The following IFI16 variants were observed in gnomAD, a reference collection of about 807,000 sequenced individuals.
IFI16 encodes gamma-interferon-inducible protein 16.
Under a neutral mutation model 68.4 loss-of-function variants are expected in IFI16, and 49 were observed. The ratio of observed to expected loss-of-function variants is 0.72; its 90% confidence interval spans 0.57 to 0.91. The LOEUF is 0.91. Ranked by LOEUF, IFI16 falls within the 40% of genes least tolerant of loss-of-function variation. IFI16 has a pLI of 0.00. For synonymous variants in IFI16, 307 were observed against 315.0 expected (o/e 0.97, Z 0.27); for missense variants, 878 against 942.9 (o/e 0.93, Z 0.90).
intron 7 of IFI16, among the ~76,000 whole-genome samples, chr1:159,037,174 T>C (rs1340996102): frequency 6.6e-6 from 1 of 152,166 alleles, no homozygotes; most frequent in Non-Finnish European, 1.5e-5. Context: ...TTAATGACAG[T>C]TTCAAAGTTC....
chr1:159,008,717 A>G (rs750959473), upstream of IFI16, among the ~76,000 whole-genome samples: 10 of 152,112 alleles, frequency 6.6e-5, no homozygotes, highest in Admixed American at 4.6e-4. Flanking sequence ...ATTATCACGA[A>G]CACCCAGAGA....
chr1:159,015,204 A>G (rs977522500), intron 2 of IFI16, among the ~76,000 whole-genome samples: 1 of 152,240 alleles, frequency 6.6e-6, no homozygotes, highest in African/African-American at 2.4e-5. Context: ...AGGGGGACTG[A>G]GACTTCCAGT....
chr1:159,018,198 T>A (rs771682984), intron 4 of IFI16, 31 bp from the exon 5 acceptor site: 34 of 1,581,468 alleles, frequency 2.1e-5, no homozygotes, highest in Non-Finnish European at 2.8e-5. Flanking sequence ...ATTAGACATT[T>A]TTCTTTGTTC....
intron 7 of IFI16, among the ~76,000 whole-genome samples, chr1:159,044,803 T>G (rs1271061857): frequency 6.6e-6 from 1 of 152,150 alleles, no homozygotes; most frequent in African/African-American, 2.4e-5. Flanking sequence ...CCTGAGGAAT[T>G]GTGAATTTGA....
chr1:159,007,845 T>A (rs1652316191), upstream of IFI16, among the ~76,000 whole-genome samples: 1 of 152,200 alleles, frequency 6.6e-6, no homozygotes, highest in African/African-American at 2.4e-5. Flanking sequence ...CCAAATCAAC[T>A]AAGATAGTAG....
intron 7 of IFI16, among the ~76,000 whole-genome samples, chr1:159,042,501 A>C (rs956020847): frequency 6.6e-6 from 1 of 152,062 alleles, no homozygotes; most frequent in African/African-American, 2.4e-5. Flanking sequence ...TCTTAACCAC[A>C]TCGGGGGTTT....
Position 159,032,694 on chromosome 1 carries a change from A to G in IFI16, c.1329+3A>G, listed in dbSNP as rs748654188. 2 of 1,585,518 alleles carry G rather than the reference A, an allele frequency of 1.3e-6. No individual in the cohort carries two copies. The highest frequency in any genetic ancestry group is 1.9e-5 in the Admixed American group (1 of 52,648). On this transcript the variant is annotated splice_donor_region_variant and intron_variant, in intron 7 of 11. Coordinates refer to ENST00000295809, the MANE Select transcript of IFI16 (RefSeq NM_001376587.1). ...CATCCAGCAGTTTCTTCACCAAGGT[A>G]CAATTTCCTGGGTCCCATGCCTCAT...
chr1:159,051,479 T>G (rs551276721), intron 9 of IFI16, among the ~76,000 whole-genome samples, 200 bp from the exon 10 acceptor site: 2 of 152,274 alleles, frequency 1.3e-5, no homozygotes, highest in Admixed American at 1.3e-4. Flanking sequence ...ATGAAGATAA[T>G]AAAATTACTC....
intron 7 of IFI16, among the ~76,000 whole-genome samples, chr1:159,044,084 G>T (rs1413718363): frequency 2.6e-5 from 4 of 152,052 alleles, no homozygotes; most frequent in African/African-American, 9.7e-5. Context: ...TTTATTTATT[G>T]AGCATTTACT....
intron 1 of IFI16, among the ~76,000 whole-genome samples, chr1:159,013,345 T>C (rs1230970679): frequency 6.6e-6 from 1 of 151,886 alleles, no homozygotes; most frequent in Non-Finnish European, 1.5e-5. Context: ...ATTTTTGGTA[T>C]TTTTAGTGGA....
chr1:159,019,670 AGGATGGT>A lies in IFI16; in HGVS notation c.973-670_973-664del, dbSNP rs1417239072. 1.8e-4 allele frequency among the ~76,000 whole-genome samples: 16 copies of A among 91,204 alleles called. No homozygotes were observed. The African/African-American group carries it at 1.9e-3, about 11-fold the overall frequency. The allele number at this position is 91,204 out of a possible 152,430, so 59.8% of individuals were successfully genotyped here. ...GAGACGGGGTTTCACTATGTTAGCC[AGGATGGT>A]CTTGGTCTCCTGACCTCGTGATCTG... On this transcript the variant is annotated intron_variant, in intron 5 of 11. Coordinates refer to ENST00000295809, the MANE Select transcript of IFI16 (RefSeq NM_001376587.1).
chr1:159,046,396 C>T lies in IFI16; in HGVS notation c.1497+932C>T, dbSNP rs117809918. 1.9e-3 allele frequency among the ~76,000 whole-genome samples: 283 copies of T among 151,242 alleles called. 5 individuals carry two copies. The East Asian group carries it at 0.029, about 16-fold the overall frequency. ...ATTGATGAGTTTTGTGTGTGATATG[C>T]GTTATTCCTGGTTTTGATTTGAAAA... On this transcript the variant is annotated intron_variant, in intron 8 of 11. Coordinates refer to ENST00000295809, the MANE Select transcript of IFI16 (RefSeq NM_001376587.1).
At chr1:159,030,152 A>AT (rs200664645) in intron 6 of IFI16, among the ~76,000 whole-genome samples, 1,975 of 135,854 alleles carry the variant, frequency 0.015, 30 homozygotes, top group African/African-American at 0.057. Context: ...AGAAGTTGTG[A>AT]TTTTTTTTTA....
intron 7 of IFI16, 115 bp from the exon 8 acceptor site, chr1:159,045,180 CAG>C (rs1395415648): frequency 1.7e-6 from 1 of 585,192 alleles, no homozygotes; most frequent in African/African-American, 1.9e-5. Context: ...CAGGGAAAAA[CAG>C]AGAAACTGGC....
intron 5 of IFI16, among the ~76,000 whole-genome samples, chr1:159,019,616 G>T (rs184574610): frequency 6.6e-6 from 1 of 151,978 alleles, no homozygotes; most frequent in Admixed American, 6.6e-5. Flanking sequence ...GTGCCATCAC[G>T]CCTGGCTAAA....
chr1:159,013,283 C>T (rs966708009), intron 1 of IFI16, among the ~76,000 whole-genome samples: 1 of 150,812 alleles, frequency 6.6e-6, no homozygotes, highest in African/African-American at 2.4e-5. Flanking sequence ...ATTCTCCTGC[C>T]TCAGCCTCCC....
At chr1:159,041,320 C>A (rs1177788888) in intron 7 of IFI16, among the ~76,000 whole-genome samples, 2 of 152,204 alleles carry the variant, frequency 1.3e-5, no homozygotes, top group Non-Finnish European at 2.9e-5. Flanking sequence ...GAACGTGGAA[C>A]CCCTGTGATT....
intron 1 of IFI16, among the ~76,000 whole-genome samples, chr1:159,011,177 AGTT>A (rs1194206170): frequency 6.6e-6 from 1 of 152,134 alleles, no homozygotes; most frequent in African/African-American, 2.4e-5. Flanking sequence ...TGACGTCAGG[AGTT>A]CCAGACCAGC....
intron 10 of IFI16, chr1:159,052,380 T>G (rs1233536094): frequency 5.1e-6 from 2 of 390,086 alleles, no homozygotes; most frequent in East Asian, 9.4e-5. Flanking sequence ...GCCACCCTTG[T>G]CCAGGACAGT....
Sources: gnomAD v4.1 joint callset for allele counts (sites outside exome capture counted in the v4.1 genomes callset) on GRCh38, gnomAD v4.1.1 for gene constraint, MANE v1.5 for transcripts, NCBI Gene and HGNC (gene_info 2026-07-23, HGNC 2026-07-21) for gene names.